The following PRMT8 variants were observed in gnomAD, a reference collection of about 807,000 sequenced individuals.
PRMT8 encodes protein arginine N-methyltransferase 8.
A neutral mutation model predicts 47.1 loss-of-function variants in PRMT8; 7 were observed. The ratio of observed to expected loss-of-function variants is 0.15; its 90% confidence interval spans 0.08 to 0.28. PRMT8 has a LOEUF of 0.28. Among genes scored for constraint, PRMT8 ranks in the 10% least tolerant of loss-of-function variants. The pLI is 1.00. For synonymous variants in PRMT8, 188 were observed against 186.5 expected (o/e 1.01, Z -0.07); for missense variants, 237 against 505.4 (o/e 0.47, Z 5.09).
At chr12:3,527,349 A>G (rs1865963095) in intron 1 of PRMT8, among the ~76,000 whole-genome samples, 1 of 152,144 alleles carries the variant, frequency 6.6e-6, no homozygotes, top group South Asian at 2.1e-4. Context: ...GGCAGCATAT[A>G]CAGCATGAAT....
At chr12:3,471,220 G>T (rs933672562) in intron 1 of PRMT8, among the ~76,000 whole-genome samples, 1 of 152,040 alleles carries the variant, frequency 6.6e-6, no homozygotes. Context: ...TCACTGTGGC[G>T]GGAAGGAGAG....
intron 1 of PRMT8, among the ~76,000 whole-genome samples, chr12:3,446,200 A>C (rs1221876989): frequency 6.6e-6 from 1 of 152,178 alleles, no homozygotes; most frequent in Non-Finnish European, 1.5e-5. Flanking sequence ...GTCCCTAAGA[A>C]TGAAATCCTT....
rs199785569 is a variant in PRMT8 at position 3,550,119 on chromosome 12, T to C, written c.417+28T>C. ...GAGCACGCCGCTTCCTCCTGCATGC[T>C]GGCTTCCACAGAGCCAGCCTCTTGC... On this transcript the variant is annotated intron_variant, in intron 3 of 9. Transcript: ENST00000382622. This position sits in a 1 kb window ranked among gnomAD's most constrained non-coding sequence, Gnocchi z 5.1. 6.2e-7 allele frequency: 1 copy of C among 1,610,436 alleles called. No individual in the cohort carries two copies. The highest frequency in any genetic ancestry group is 8.5e-7 in the Non-Finnish European group (1 of 1,177,822).
chr12:3,431,654 G>A (rs901200725), intron 1 of PRMT8, among the ~76,000 whole-genome samples: 2 of 152,206 alleles, frequency 1.3e-5, no homozygotes, highest in Non-Finnish European at 2.9e-5. Context: ...AAAGGCTGCA[G>A]TCAAGCAAGG....
intron 2 of PRMT8, among the ~76,000 whole-genome samples, chr12:3,546,382 C>G (rs1866327684): frequency 6.6e-6 from 1 of 151,776 alleles, no homozygotes; most frequent in Non-Finnish European, 1.5e-5. Context: ...TGGAGAAAAC[C>G]AACAAAGCCA....
At position 3,585,237 on chromosome 12, in the gene PRMT8, G is replaced by T. The variant is rs1004883720; in HGVS notation, c.979+2029G>T. On this transcript the variant is annotated intron_variant, in intron 8 of 9. Transcript: ENST00000382622. ...GGGAATTGGGAGCATGTCATCAGGG[G>T]GTGAGGAGGTGAGTAGTTGTATGTC... is the stretch of plus-strand genomic sequence containing the variant. 2.8e-4 allele frequency among the ~76,000 whole-genome samples: 42 copies of T among 151,990 alleles called. 1 individual carries two copies. The highest frequency in any genetic ancestry group is 9.9e-4 in the African/African-American group (41 of 41,356).
intron 1 of PRMT8, among the ~76,000 whole-genome samples, chr12:3,512,425 T>C (rs1445579606): frequency 6.6e-6 from 1 of 152,162 alleles, no homozygotes; most frequent in Non-Finnish European, 1.5e-5. Flanking sequence ...AAATTCAACA[T>C]GACCCAAACT....
chr12:3,523,639 C>T (rs984080291), intron 1 of PRMT8, among the ~76,000 whole-genome samples: 1 of 152,176 alleles, frequency 6.6e-6, no homozygotes, highest in African/African-American at 2.4e-5. Context: ...TTAATAAGAG[C>T]GACTGTTACG....
At chr12:3,413,128 C>A (rs182134753) in intron 1 of PRMT8, among the ~76,000 whole-genome samples, 2 of 152,256 alleles carry the variant, frequency 1.3e-5, no homozygotes, top group East Asian at 3.9e-4. Context: ...CAAGGGTAGG[C>A]CACCTTAATT....
rs545927351 is a variant in PRMT8, at chr12:3,456,250, A to G, written c.48+74808A>G. On this transcript the variant is annotated intron_variant, in intron 1 of 9. Transcript: ENST00000452611. This position sits in a 1 kb window ranked among gnomAD's most constrained non-coding sequence, Gnocchi z 4.2. ...GAAATGGCAGCCTCCCCTTGCCTGC[A>G]GTTCTTCCGGCCTCACTGTTCTCCA... is the stretch of plus-strand genomic sequence containing the variant. Among the ~76,000 whole-genome samples the G allele has an allele frequency of 5.3e-5, 8 of 152,322 alleles. No homozygotes were observed. The East Asian group carries it at 1.5e-3, about 29-fold the overall frequency.
chr12:3,535,504 G>A lies in PRMT8; in HGVS notation c.76-5102G>A, dbSNP rs1296958527. 6.6e-6 allele frequency among the ~76,000 whole-genome samples: 1 copy of A among 152,176 alleles called. No individual in the cohort carries two copies. Among genetic ancestry groups the A allele is most frequent in the Non-Finnish European group, 1.5e-5 (1 of 68,032 alleles). On this transcript the variant is annotated intron_variant, in intron 1 of 9. Transcript: ENST00000382622. The surrounding 1 kb of genome is among the most constrained non-coding windows in gnomAD (Gnocchi z 4.7). ...TCGGGAGACCTCCAGCAAGTAACAG[G>A]GCCCTGGGCCTGGGCCTTTGGACGG...
chr12:3,536,935 A>AC (rs1397407449), intron 1 of PRMT8, among the ~76,000 whole-genome samples: 1 of 152,198 alleles, frequency 6.6e-6, no homozygotes, highest in African/African-American at 2.4e-5. Flanking sequence ...GTTGACTCCT[A>AC]CCTTTTGTCA....
intron 1 of PRMT8, among the ~76,000 whole-genome samples, chr12:3,474,311 GT>G (rs1005068540): frequency 2.0e-5 from 3 of 152,126 alleles, no homozygotes; most frequent in African/African-American, 7.2e-5. Flanking sequence ...AAGCTTCTGT[GT>G]TTTTTTGTGT....
intron 1 of PRMT8, among the ~76,000 whole-genome samples, chr12:3,422,756 G>T (rs1864557643): frequency 6.6e-6 from 1 of 152,214 alleles, no homozygotes; most frequent in Non-Finnish European, 1.5e-5. Context: ...TCTGCCTGTG[G>T]ATTCCATTTC....
rs182793798 is a variant in PRMT8 at position 3,492,329 on chromosome 12, G to A, written c.75+629G>A. 7.2e-5 allele frequency among the ~76,000 whole-genome samples: 11 copies of A among 152,158 alleles called. No individual in the cohort carries two copies. In the East Asian group the frequency reaches 1.9e-3, roughly 27 times the overall value. On this transcript the variant is annotated intron_variant, in intron 1 of 9. Transcript: ENST00000382622. The surrounding 1 kb of genome is among the most constrained non-coding windows in gnomAD (Gnocchi z 7.5). ...TCTGCAATCCTCAGATATCAGAGCC[G>A]CCTCTGGGTAGCTAAACCCGGCAGG...
intron 1 of PRMT8, among the ~76,000 whole-genome samples, chr12:3,513,194 C>G (rs1865739233): frequency 6.6e-6 from 1 of 152,144 alleles, no homozygotes; most frequent in African/African-American, 2.4e-5. Context: ...AGGTATCTTG[C>G]TAGTTTCTTA....
intron 1 of PRMT8, among the ~76,000 whole-genome samples, chr12:3,408,180 C>T (rs1864391714): frequency 1.3e-5 from 2 of 148,620 alleles, no homozygotes; most frequent in African/African-American, 2.5e-5. Flanking sequence ...TCTTTCCTTC[C>T]TTCCTTCCTC....
chr12:3,487,873 TG>T (rs1388569756), upstream of PRMT8, among the ~76,000 whole-genome samples: 2 of 152,220 alleles, frequency 1.3e-5, no homozygotes, highest in African/African-American at 4.8e-5. Context: ...CAATCATCAC[TG>T]TCCCTTAGAA....
intron 2 of PRMT8, among the ~76,000 whole-genome samples, chr12:3,543,165 A>G (rs1489127693): frequency 1.3e-5 from 2 of 152,200 alleles, no homozygotes; most frequent in African/African-American, 4.8e-5. Context: ...CTGGACATCT[A>G]GCTTAAATCC....
Sources: gnomAD v4.1 joint callset for allele counts (sites outside exome capture counted in the v4.1 genomes callset) on GRCh38, gnomAD v4.1.1 for gene constraint, Gnocchi (gnomAD v3.1) non-coding constraint, MANE v1.5 for transcripts, NCBI Gene and HGNC (gene_info 2026-07-23, HGNC 2026-07-21) for gene names.